Variants in TOP1MT observed in about 807,000 individuals in gnomAD.
TOP1MT encodes the protein DNA topoisomerase I, mitochondrial.
TOP1MT carries 80 observed loss-of-function variants against 73.9 expected under a neutral mutation model. The ratio of observed to expected loss-of-function variants is 1.08; its 90% CI spans 0.90 to 1.30. The LOEUF is 1.30. TOP1MT is among the 50% of genes most tolerant of loss of function. TOP1MT has a pLI of 0.00. For missense variants in TOP1MT, 815 were observed against 808.0 expected, an observed-to-expected ratio of 1.01 and a Z score of -0.10; for synonymous variants, 338 against 326.4, an observed-to-expected ratio of 1.04 and a Z score of -0.38.
intron 3 of TOP1MT, chr8:143,327,882 A>G (rs777044676): frequency 2.9e-6 from 1 of 339,856 alleles, no homozygotes; most frequent in Non-Finnish European, 5.7e-6. Flanking sequence ...CCTCTACCCC[A>G]CACTATAACC....
At chr8:143,338,424 A>G (rs1032530288), upstream of TOP1MT, among the ~76,000 whole-genome samples, 129 of 152,038 alleles carry the variant, frequency 8.5e-4, no homozygotes, top group African/African-American at 3.0e-3. Flanking sequence ...AAAATTAGCT[A>G]GGCGTGGTGG....
At chr8:143,337,472 G>A (rs1228307159), upstream of TOP1MT, among the ~76,000 whole-genome samples, 1 of 152,134 alleles carries the variant, frequency 6.6e-6, no homozygotes, top group African/African-American at 2.4e-5. Context: ...CTAAATTCCA[G>A]CTGGCGTTTT....
chr8:143,331,172 C>T (rs557436803), intron 2 of TOP1MT, 52 bp downstream of exon 2: 14 of 1,456,520 alleles, frequency 9.6e-6, no homozygotes, highest in Admixed American at 5.5e-5. Flanking sequence ...TGGGAGCCCA[C>T]GCCCAGGGAA....
Position 143,323,947 on chromosome 8 carries a change from T to C in TOP1MT, c.960+52A>G. On this transcript the variant is annotated intron_variant, in intron 7 of 13. Coordinates refer to ENST00000329245, the MANE Select transcript of TOP1MT (RefSeq NM_052963.3). ...CACTGCACCATCCAACTGGGAGTCC[T>C]CGCCAGGAGAACCAGGATGAAGAGC... 3 of 1,602,552 alleles carry C rather than the reference T, an allele frequency of 1.9e-6. No homozygotes were observed. The South Asian group carries it at 3.3e-5, about 18-fold the overall frequency.
At chr8:143,331,587 G>A (rs4874143) in intron 1 of TOP1MT, among the ~76,000 whole-genome samples, 96,773 of 152,048 alleles carry the variant, frequency 0.64, 33,652 homozygotes, top group South Asian at 0.85. Flanking sequence ...ATCCCACCAA[G>A]CCCAGCTAAG....
At chr8:143,314,077 T>A (rs1318502417) in intron 12 of TOP1MT, among the ~76,000 whole-genome samples, 1 of 151,910 alleles carries the variant, frequency 6.6e-6, no homozygotes, top group Non-Finnish European at 1.5e-5. Context: ...AATCGACACA[T>A]GGAAAACTGA....
chr8:143,326,175 GT>G lies in TOP1MT; in HGVS notation c.483+46del, dbSNP rs545237868. ...AGTCTTTGGGCCAGGCCGGCCTCTC[GT>G]TCCCAGGGGCCACTTCAGGTCACAC... On this transcript the variant is annotated intron_variant, in intron 4 of 13. Transcript: ENST00000329245. 233 of 1,605,402 alleles carry G rather than the reference GT, an allele frequency of 1.5e-4. 3 individuals carry two copies. The South Asian group carries it at 2.5e-3, about 17-fold the overall frequency.
At chr8:143,359,468 A>G (rs1297043486), upstream of TOP1MT, 2 of 982,392 alleles carry the variant, frequency 2.0e-6, no homozygotes, top group East Asian at 1.1e-4. Context: ...TTTCCTAGGC[A>G]GCCAGACCGG....
upstream of TOP1MT, among the ~76,000 whole-genome samples, chr8:143,349,311 C>T (rs1817282144): frequency 7.3e-6 from 1 of 137,144 alleles, no homozygotes; most frequent in South Asian, 2.7e-4. Context: ...CCCCCTCCCA[C>T]CCCCCTGCCC....
intron 8 of TOP1MT, among the ~76,000 whole-genome samples, chr8:143,320,578 T>C (rs1816303420): frequency 6.6e-6 from 1 of 152,232 alleles, no homozygotes; most frequent in South Asian, 2.1e-4. Context: ...GAACGTGACC[T>C]TATTTAAAAA....
chr8:143,310,959 CT>C (rs36007345), intron 12 of TOP1MT, among the ~76,000 whole-genome samples: 1,371 of 128,092 alleles, frequency 0.011, 22 homozygotes, highest in African/African-American at 0.033. Context: ...TTTCTCTTGG[CT>C]TTTTTTTTTT....
intron 12 of TOP1MT, among the ~76,000 whole-genome samples, chr8:143,315,117 C>G (rs953908735): frequency 2.6e-5 from 4 of 151,918 alleles, no homozygotes; most frequent in Non-Finnish European, 4.4e-5. Flanking sequence ...TCCCTTTCCC[C>G]AGGGGAGTTT....
Position 143,318,016 on chromosome 8 carries a change from AC to A in TOP1MT, c.1215+1del, listed in dbSNP as rs780176693. ...CTGCTGAGGAAACACGAGCCGGCTTACGGTCAGCCTGTCGAAGAGGTCGTCC... is the reference window on the plus strand; with the variant it reads ...CTGCTGAGGAAACACGAGCCGGCTTAGGTCAGCCTGTCGAAGAGGTCGTCC... On this transcript the variant is annotated splice_donor_variant, in intron 9 of 13. Transcript: ENST00000329245. LOFTEE classifies it high-confidence loss of function. 303 of 1,614,150 alleles carry A rather than the reference AC, an allele frequency of 1.9e-4. 1 individual carries two copies. The Middle Eastern group carries it at 2.1e-3, about 11-fold the overall frequency.
intron 12 of TOP1MT, among the ~76,000 whole-genome samples, 175 bp downstream of exon 12, chr8:143,315,551 TC>T (rs1263568402): frequency 1.3e-5 from 2 of 152,080 alleles, no homozygotes; most frequent in Non-Finnish European, 2.9e-5. Context: ...GTGGTAGTGG[TC>T]CCCCGGGCCC....
chr8:143,312,981 G>A (rs1364808534), intron 12 of TOP1MT, among the ~76,000 whole-genome samples: 4 of 152,250 alleles, frequency 2.6e-5, no homozygotes, highest in Non-Finnish European at 5.9e-5. Flanking sequence ...AGGAGGCTGA[G>A]GCGGGAGGAT....
Position 143,321,851 on chromosome 8 carries a change from C to T in TOP1MT, c.961-465G>A, listed in dbSNP as rs1234570194. On this transcript the variant is annotated intron_variant, in intron 7 of 13. Transcript: ENST00000329245. ...CTACACACACACGCCACACGCACGC[C>T]ACACACGCATGCCACACGCACACCA... Among the ~76,000 whole-genome samples, 93 of 101,998 alleles carry T rather than the reference C, an allele frequency of 9.1e-4. 1 individual carries two copies. Among genetic ancestry groups the T allele is most frequent in the Non-Finnish European group, 1.2e-3 (63 of 50,856 alleles). 66.9% of individuals were successfully genotyped at this position (101,998 alleles called of 152,430 possible).
intron 7 of TOP1MT, among the ~76,000 whole-genome samples, chr8:143,322,062 G>A (rs1234931443): frequency 6.8e-5 from 5 of 73,192 alleles, no homozygotes; most frequent in African/African-American, 1.9e-4. Flanking sequence ...ACACAGGCAC[G>A]CCACACACGC....
At position 143,324,515 on chromosome 8, in the gene TOP1MT, G is replaced by A. The variant is rs755183584; in HGVS notation, c.786C>T (p.Tyr262=). ...WTESVQNSIK[Y]IMLNPCSKLK... The stretch of plus-strand genomic sequence containing the variant: ...GCTTCGAGCAAGGGTTCAGCATGAT[G>A]TACTTGATGGAGTTCTGAACGCTCT... Residue 262 remains tyrosine, a synonymous_variant, in exon 6 of 14, where the codon TAC becomes TAT. Coordinates refer to ENST00000329245, the MANE Select transcript of TOP1MT (RefSeq NM_052963.3). 5 of 1,613,892 alleles carry A rather than the reference G, an allele frequency of 3.1e-6. No individual in the cohort carries two copies. The African/African-American group carries it at 5.3e-5, about 17-fold the overall frequency.
intron 7 of TOP1MT, among the ~76,000 whole-genome samples, chr8:143,323,331 ATG>A (rs1425475616): frequency 7.0e-5 from 7 of 100,374 alleles, no homozygotes; most frequent in Non-Finnish European, 1.4e-4. Context: ...CGCCACACAC[ATG>A]CACGCCACAC....
Sources: allele counts gnomAD v4.1 joint callset (sites outside exome capture counted in the v4.1 genomes callset), GRCh38; gene constraint gnomAD v4.1.1; transcripts MANE v1.5; gene names NCBI Gene and HGNC (gene_info 2026-07-23, HGNC 2026-07-21).